TLN2: variants seen among roughly 807,000 people sequenced by gnomAD.
TLN2 encodes talin-2.
In TLN2, 118 loss-of-function variants were observed where a neutral mutation model predicts 294.7. The observed-to-expected ratio is 0.40, with a 90% CI of 0.34 to 0.47. The LOEUF (loss-of-function observed/expected upper bound fraction) is 0.47, where lower values mean the gene tolerates loss of function less well. Ranked by LOEUF, TLN2 falls within the 20% of genes least tolerant of loss-of-function variation. The pLI is 0.84. For missense variants in TLN2, 3,083 were observed against 3,282.2 expected (o/e 0.94, Z 1.48); for synonymous variants, 1,431 against 1,304.5 (o/e 1.10, Z -2.09).
At chr15:62,625,811 G>A (rs1339608514) in intron 3 of TLN2, among the ~76,000 whole-genome samples, 3 of 152,174 alleles carry the variant, frequency 2.0e-5, no homozygotes, top group South Asian at 2.1e-4. Context: ...TGGTGATGTC[G>A]TTTCGCTGGA....
At chr15:62,710,619 G>A (rs1301238778) in intron 21 of TLN2, among the ~76,000 whole-genome samples, 1 of 151,272 alleles carries the variant, frequency 6.6e-6, no homozygotes, top group East Asian at 1.9e-4. Flanking sequence ...CTAAAGGATA[G>A]CACATTTGTC....
chr15:62,618,096 G>C (rs1038966896), intron 2 of TLN2, among the ~76,000 whole-genome samples: 52 of 151,962 alleles, frequency 3.4e-4, no homozygotes, highest in African/African-American at 1.3e-3. Context: ...ACCATGCCCA[G>C]TGCCTCAGGC....
At chr15:62,781,827 TTTG>T (rs1430041487) in intron 44 of TLN2, among the ~76,000 whole-genome samples, 4 of 152,106 alleles carry the variant, frequency 2.6e-5, no homozygotes, top group African/African-American at 9.7e-5. Flanking sequence ...TTTTTGTTGT[TTTG>T]TTTGTTTGTT....
intron 58 of TLN2, among the ~76,000 whole-genome samples, chr15:62,840,106 C>G (rs1224349295): frequency 6.6e-6 from 1 of 152,172 alleles, no homozygotes; most frequent in African/African-American, 2.4e-5. Context: ...AGACAGTGGA[C>G]CTACATTGCT....
intron 30 of TLN2, 46 bp downstream of exon 30, chr15:62,738,379 GC>G (rs1555494175): frequency 6.3e-7 from 1 of 1,597,568 alleles, no homozygotes; most frequent in Non-Finnish European, 8.5e-7. Flanking sequence ...GACTAGGCTC[GC>G]GTTAGGTGTG....
rs558914237 is a variant in TLN2, at chr15:62,797,188, C to T, written c.6051-31C>T. 1.9e-6 allele frequency: 3 copies of T among 1,612,940 alleles called. No homozygotes were observed. The African/African-American group carries it at 4.0e-5, about 21-fold the overall frequency. On this transcript the variant is annotated intron_variant, in intron 47 of 58. Coordinates refer to ENST00000636159, the MANE Select transcript of TLN2 (RefSeq NM_015059.3). ...AATCAAGCTTTGCCCTCTGTCTCTC[C>T]CCCTCTCCCCTGCCCTCCTGGCTCT...
chr15:62,429,528 A>C (rs2034900391), intron 1 of TLN2, among the ~76,000 whole-genome samples: 1 of 152,028 alleles, frequency 6.6e-6, no homozygotes, highest in African/African-American at 2.4e-5. Flanking sequence ...CTGGGTTTGT[A>C]GTTTAGCAGG....
chr15:62,511,414 T>A (rs908888037), intron 1 of TLN2, among the ~76,000 whole-genome samples: 1 of 152,186 alleles, frequency 6.6e-6, no homozygotes, highest in African/African-American at 2.4e-5. Context: ...GAATTCTCCC[T>A]TTTTTTCTCA....
chr15:62,649,054 C>T (rs900120151), intron 4 of TLN2, among the ~76,000 whole-genome samples: 4 of 152,072 alleles, frequency 2.6e-5, no homozygotes, highest in African/African-American at 4.8e-5. Context: ...TGCTATGTTG[C>T]CCAGGCTGGT....
At chr15:62,574,549 C>T (rs892012285) in intron 1 of TLN2, among the ~76,000 whole-genome samples, 2 of 124,434 alleles carry the variant, frequency 1.6e-5, no homozygotes, top group African/African-American at 6.2e-5. Context: ...CACTGAACTC[C>T]AGCCTGGGCA....
At chr15:62,435,299 G>C (rs1310685807) in intron 1 of TLN2, among the ~76,000 whole-genome samples, 1 of 152,122 alleles carries the variant, frequency 6.6e-6, no homozygotes, top group Non-Finnish European at 1.5e-5. Flanking sequence ...GGATTGCTGG[G>C]TCAAATGGTA....
Position 62,702,036 on chromosome 15 carries a change from A to G in TLN2, c.1741A>G (p.Thr581Ala), listed in dbSNP as rs768629677. The stretch of plus-strand genomic sequence containing the variant: ...CTACACAGCTGTGGGATGTGCGATC[A>G]CCACTATTTCTTCCAACCTGACGGA... ...TDYTAVGCAI[T>A]TISSNLTEMS... The change falls in exon 18 of 59, where the codon ACC becomes GCC. Residue 581 changes from threonine (T) to alanine (A), a missense_variant. Coordinates refer to ENST00000636159, the MANE Select transcript of TLN2 (RefSeq NM_015059.3). 1 of 1,614,226 alleles carries G rather than the reference A, an allele frequency of 6.2e-7. No homozygotes were observed. The highest frequency in any genetic ancestry group is 1.1e-5 in the South Asian group (1 of 91,088).
intron 26 of TLN2, 45 bp from the exon 27 acceptor site, chr15:62,724,931 T>C: frequency 6.4e-7 from 1 of 1,569,810 alleles, no homozygotes; most frequent in Non-Finnish European, 8.7e-7. Flanking sequence ...TGGGGACACT[T>C]TTCCCAAGCA....
At chr15:62,604,314 G>A (rs1596316098) in intron 2 of TLN2, among the ~76,000 whole-genome samples, 1 of 151,854 alleles carries the variant, frequency 6.6e-6, no homozygotes, top group African/African-American at 2.4e-5. Context: ...CTAGGAGTTC[G>A]AGACCATCCT....
At chr15:62,573,040 A>G (rs1434611127) in intron 1 of TLN2, among the ~76,000 whole-genome samples, 1 of 152,154 alleles carries the variant, frequency 6.6e-6, no homozygotes. Context: ...CTGCAGGCCA[A>G]CCCGTAACAA....
intron 19 of TLN2, among the ~76,000 whole-genome samples, chr15:62,703,714 AACC>A (rs1257043289): frequency 6.6e-6 from 1 of 152,016 alleles, no homozygotes; most frequent in Non-Finnish European, 1.5e-5. Flanking sequence ...TCTTATCCAA[AACC>A]ACAAGCGTGG....
At chr15:62,740,810 A>G in intron 32 of TLN2, 41 bp downstream of exon 32, 4 of 1,611,652 alleles carry the variant, frequency 2.5e-6, no homozygotes. Flanking sequence ...GTGGTTAGAC[A>G]GTGTCATTGC....
intron 3 of TLN2, among the ~76,000 whole-genome samples, chr15:62,631,528 TTTCCTTTCCTTTCCTTTCCA>T (rs1362425578): frequency 0.041 from 2,800 of 67,860 alleles, 127 homozygotes; most frequent in African/African-American, 0.13. Flanking sequence ...CTTCCTTTCC[TTTCCTTTCCTTTCCTTTCCA>T]TTCCTTTCCT....
intron 54 of TLN2, chr15:62,828,512 C>T (rs2141234603): frequency 6.6e-6 from 1 of 152,354 alleles, no homozygotes; most frequent in East Asian, 1.9e-4. Flanking sequence ...AAGAGTGCCT[C>T]TTGGTAAAAT....
Sources: gnomAD v4.1 joint callset for allele counts (sites outside exome capture counted in the v4.1 genomes callset) on GRCh38, gnomAD v4.1.1 for gene constraint, MANE v1.5 for transcripts, NCBI Gene and HGNC (gene_info 2026-07-23, HGNC 2026-07-21) for gene names.